The following STXBP5L variants were observed in gnomAD, a reference collection of about 807,000 sequenced individuals.
STXBP5L encodes the protein syntaxin-binding protein 5-like.
Under a neutral mutation model 144.5 loss-of-function variants are expected in STXBP5L, and 65 were observed. The ratio of observed to expected loss-of-function variants is 0.45; its 90% CI spans 0.37 to 0.55. The LOEUF is 0.55. STXBP5L is among the 20% of genes least tolerant of loss of function. The pLI, the probability that STXBP5L is intolerant of heterozygous loss-of-function variation, is 0.00. For synonymous variants in STXBP5L, 505 were observed against 469.6 expected (o/e 1.08, Z -0.97); for missense variants, 1,298 against 1,405.5 (o/e 0.92, Z 1.22).
intron 9 of STXBP5L, among the ~76,000 whole-genome samples, chr3:121,189,844 A>G (rs1237622051): frequency 6.6e-6 from 1 of 152,180 alleles, no homozygotes; most frequent in Non-Finnish European, 1.5e-5. Context: ...GACCAACTTA[A>G]AATAAACAAA....
chr3:121,152,406 A>G (rs2045963618), intron 7 of STXBP5L, 71 bp from the exon 8 acceptor site: 1 of 1,154,610 alleles, frequency 8.7e-7, no homozygotes, highest in Admixed American at 2.2e-5. Context: ...CTTTATTAAC[A>G]TTAAACTTTA....
intron 3 of STXBP5L, among the ~76,000 whole-genome samples, chr3:121,012,600 G>A (rs61798594): frequency 0.014 from 2,091 of 151,698 alleles, 24 homozygotes; most frequent in Non-Finnish European, 0.021. Context: ...TTCTTTTCAT[G>A]CATTTATTGT....
intron 3 of STXBP5L, among the ~76,000 whole-genome samples, chr3:121,004,615 C>A (rs1267705353): frequency 6.6e-6 from 1 of 152,076 alleles, no homozygotes. Flanking sequence ...GAGAGGGCAT[C>A]CCTGTCTTGT....
At chr3:121,078,522 C>A (rs1430327678) in intron 5 of STXBP5L, among the ~76,000 whole-genome samples, 1 of 152,272 alleles carries the variant, frequency 6.6e-6, no homozygotes, top group Admixed American at 6.5e-5. Context: ...AGTCCCGTGC[C>A]ATGCGCCCGC....
At chr3:121,338,055 G>T (rs9879037) in intron 20 of STXBP5L, among the ~76,000 whole-genome samples, 1 of 151,884 alleles carries the variant, frequency 6.6e-6, no homozygotes, top group Non-Finnish European at 1.5e-5. Context: ...CAGGAAAAGC[G>T]GTGCTAAGAT....
chr3:121,204,872 T>C (rs541352015), intron 9 of STXBP5L, among the ~76,000 whole-genome samples: 1 of 152,316 alleles, frequency 6.6e-6, no homozygotes, highest in Non-Finnish European at 1.5e-5. Context: ...CTCTTTTTGA[T>C]CCTTTATTCA....
chr3:121,273,266 C>G (rs2050781790), intron 18 of STXBP5L, among the ~76,000 whole-genome samples: 1 of 150,982 alleles, frequency 6.6e-6, no homozygotes, highest in Admixed American at 6.6e-5. Flanking sequence ...TTCTGAAGAA[C>G]AATTTTGCTA....
intron 22 of STXBP5L, among the ~76,000 whole-genome samples, chr3:121,386,747 T>C (rs2046435727): frequency 6.6e-6 from 1 of 152,246 alleles, no homozygotes; most frequent in South Asian, 2.1e-4. Context: ...TCCTTTTTTA[T>C]GGCTGCGTAG....
chr3:121,026,882 G>A (rs1945987499), intron 3 of STXBP5L, among the ~76,000 whole-genome samples: 1 of 151,572 alleles, frequency 6.6e-6, no homozygotes, highest in African/African-American at 2.4e-5. Flanking sequence ...TTTCTAGGTT[G>A]CACTACAAAA....
At chr3:121,213,835 T>A (rs930512255) in intron 10 of STXBP5L, among the ~76,000 whole-genome samples, 2 of 152,190 alleles carry the variant, frequency 1.3e-5, no homozygotes, top group South Asian at 2.1e-4. Context: ...TGTAAATCCA[T>A]GTGGTCCTGG....
At chr3:121,161,682 A>T (rs918337059) in intron 9 of STXBP5L, among the ~76,000 whole-genome samples, 1 of 151,988 alleles carries the variant, frequency 6.6e-6, no homozygotes, top group African/African-American at 2.4e-5. Context: ...CTATTCAATG[A>T]TTTCAAATAT....
At position 121,213,971 on chromosome 3, in the gene STXBP5L, T is replaced by C. The variant is rs186019527; in HGVS notation, c.956+7970T>C. Among the ~76,000 whole-genome samples the C allele has an allele frequency of 1.1e-3, 164 of 152,328 alleles. 1 individual carries two copies. Among genetic ancestry groups the C allele is most frequent in the Non-Finnish European group, 4.3e-4 (29 of 68,018 alleles). On this transcript the variant is annotated intron_variant, in intron 10 of 26. Coordinates refer to ENST00000471454, the MANE Select transcript of STXBP5L (RefSeq NM_001308330.2). ...TGGTTAGGAATTTATCCATTTCTTC[T>C]AGATTTTCTAATTTATTTGCATAGA...
chr3:121,091,599 G>A (rs1576920971), intron 5 of STXBP5L, among the ~76,000 whole-genome samples: 1 of 152,140 alleles, frequency 6.6e-6, no homozygotes, highest in African/African-American at 2.4e-5. Flanking sequence ...GTATGTTCAT[G>A]TCCTTCGCCC....
chr3:121,092,826 G>C lies in STXBP5L; in HGVS notation c.471-22099G>C, dbSNP rs145487754. Among the ~76,000 whole-genome samples, 184 of 152,016 alleles carry C rather than the reference G, an allele frequency of 1.2e-3. 1 individual carries two copies. The highest frequency in any genetic ancestry group is 4.2e-3 in the African/African-American group (174 of 41,450). On this transcript the variant is annotated intron_variant, in intron 5 of 26. Coordinates refer to ENST00000471454, the MANE Select transcript of STXBP5L (RefSeq NM_001308330.2). The stretch of plus-strand genomic sequence containing the variant: ...ACACCATGTTGAATAGGAGTGGTGA[G>C]AGAGGGCATCCCTGTCTTGTGCCAG...
intron 5 of STXBP5L, among the ~76,000 whole-genome samples, chr3:121,100,485 C>T (rs1220854912): frequency 6.6e-6 from 1 of 151,982 alleles, no homozygotes; most frequent in Non-Finnish European, 1.5e-5. Flanking sequence ...AAACTTGCTC[C>T]CGATTGACTT....
intron 9 of STXBP5L, among the ~76,000 whole-genome samples, chr3:121,182,776 G>T (rs187950908): frequency 6.6e-6 from 1 of 152,124 alleles, no homozygotes; most frequent in Non-Finnish European, 1.5e-5. Flanking sequence ...AAACAAGAGA[G>T]AGCATCCAAA....
At chr3:121,273,313 T>C (rs1292107610) in intron 18 of STXBP5L, among the ~76,000 whole-genome samples, 1 of 151,964 alleles carries the variant, frequency 6.6e-6, no homozygotes, top group Non-Finnish European at 1.5e-5. Context: ...TTTTTTTTTC[T>C]TTTTGCGCTT....
At chr3:121,000,638 A>G (rs1484242902) in intron 3 of STXBP5L, among the ~76,000 whole-genome samples, 3 of 152,206 alleles carry the variant, frequency 2.0e-5, no homozygotes, top group South Asian at 4.1e-4. Context: ...CAGTTTGGTT[A>G]AGAACTATTG....
chr3:121,264,093 T>C (rs761798440), intron 18 of STXBP5L, among the ~76,000 whole-genome samples: 2 of 152,134 alleles, frequency 1.3e-5, no homozygotes, highest in Non-Finnish European at 2.9e-5. Flanking sequence ...GGAAAGCCCA[T>C]CAGACTAACA....
Sources: allele counts gnomAD v4.1 joint callset (sites outside exome capture counted in the v4.1 genomes callset), GRCh38; gene constraint gnomAD v4.1.1; transcripts MANE v1.5; gene names NCBI Gene and HGNC (gene_info 2026-07-23, HGNC 2026-07-21).